Variants in PARD3B observed in about 807,000 individuals in gnomAD.
PARD3B encodes par-3 family cell polarity regulator beta.
A neutral mutation model predicts 130.2 loss-of-function variants in PARD3B; 103 were observed. The ratio of observed to expected loss-of-function variants is 0.79; its 90% confidence interval spans 0.67 to 0.93. The LOEUF (loss-of-function observed/expected upper bound fraction) is 0.93. Among genes scored for constraint, PARD3B ranks in the 40% least tolerant of loss-of-function variants. The probability of loss-of-function intolerance (pLI) is 0.00; values close to 1 mark genes in which losing one functional copy is unlikely to be tolerated. For synonymous variants in PARD3B, 583 were observed against 553.2 expected, an observed-to-expected ratio of 1.05 and a Z score of -0.76; for missense variants, 1,609 against 1,499.2, an observed-to-expected ratio of 1.07 and a Z score of -1.21.
At chr2:205,599,261 G>A (rs1416411041) in intron 22 of PARD3B, among the ~76,000 whole-genome samples, 1 of 152,088 alleles carries the variant, frequency 6.6e-6, no homozygotes, top group African/African-American at 2.4e-5. Flanking sequence ...TTTTTTAAAG[G>A]CTCATGGTAG....
Position 205,021,628 on chromosome 2 carries a change from CTT to C in PARD3B, c.395-25951_395-25950del, listed in dbSNP as rs1468726480. Reference sequence around the variant, plus strand: ...TCTCTCTCTCTCTCTCTCCCTCTCTCTTTCTCTCTCTCTCTCTCTCTCTATAT... The same window carrying C: ...TCTCTCTCTCTCTCTCTCCCTCTCTCTCTCTCTCTCTCTCTCTCTCTATAT... On this transcript the variant is annotated intron_variant, in intron 3 of 22. Transcript: ENST00000406610. The surrounding 1 kb of genome is among the most constrained non-coding windows in gnomAD (Gnocchi z 4.5). 2.9e-3 allele frequency among the ~76,000 whole-genome samples: 344 copies of C among 119,696 alleles called. No homozygotes were observed. Among genetic ancestry groups the C allele is most frequent in the Non-Finnish European group, 3.3e-3 (186 of 56,096 alleles). The allele number at this position is 119,696 out of a possible 152,430, so 78.5% of individuals were successfully genotyped here. A position where few individuals can be genotyped will look rare whatever the true frequency, so the allele number is the denominator to read the frequency against.
At chr2:204,630,049 T>A (rs1486394830) in intron 1 of PARD3B, among the ~76,000 whole-genome samples, 2 of 152,192 alleles carry the variant, frequency 1.3e-5, no homozygotes, top group East Asian at 3.8e-4. Flanking sequence ...ATTCTGCCAC[T>A]GTTTACTTTC....
intron 1 of PARD3B, among the ~76,000 whole-genome samples, chr2:204,552,201 G>C (rs1466863696): frequency 6.6e-6 from 1 of 152,152 alleles, no homozygotes; most frequent in African/African-American, 2.4e-5. Context: ...CAGTTCTGTT[G>C]AGAACTTTGC....
At chr2:205,092,255 G>C (rs1229562541) in intron 4 of PARD3B, among the ~76,000 whole-genome samples, 1 of 152,102 alleles carries the variant, frequency 6.6e-6, no homozygotes, top group Non-Finnish European at 1.5e-5. Context: ...AATGAAAAGG[G>C]AATAGTAAAG....
chr2:205,145,711 G>A (rs1189537051), intron 10 of PARD3B, among the ~76,000 whole-genome samples: 1 of 151,382 alleles, frequency 6.6e-6, no homozygotes, highest in Non-Finnish European at 1.5e-5. Flanking sequence ...TCTACGGCAT[G>A]CTCCGTGTAA....
At chr2:205,254,615 T>C (rs2039990193) in intron 16 of PARD3B, among the ~76,000 whole-genome samples, 1 of 152,062 alleles carries the variant, frequency 6.6e-6, no homozygotes, top group Non-Finnish European at 1.5e-5. Context: ...CACTCTTTTG[T>C]TCCTACATTG....
intron 3 of PARD3B, among the ~76,000 whole-genome samples, chr2:204,979,380 A>G (rs1324860864): frequency 6.6e-6 from 1 of 152,190 alleles, no homozygotes; most frequent in Non-Finnish European, 1.5e-5. Context: ...GCCAATGAAC[A>G]TGCTTTATCA....
At chr2:205,508,890 T>C (rs1229816824) in intron 21 of PARD3B, among the ~76,000 whole-genome samples, 1 of 152,050 alleles carries the variant, frequency 6.6e-6, no homozygotes, top group Non-Finnish European at 1.5e-5. Context: ...GAGATTTTGC[T>C]CACTTAGATT....
At chr2:204,687,412 A>G (rs1290727653) in intron 2 of PARD3B, among the ~76,000 whole-genome samples, 1 of 152,170 alleles carries the variant, frequency 6.6e-6, no homozygotes, top group Non-Finnish European at 1.5e-5. Flanking sequence ...AGATAAACCT[A>G]GTTATCTCCC....
intron 2 of PARD3B, among the ~76,000 whole-genome samples, chr2:204,790,180 T>C (rs2042152625): frequency 6.6e-6 from 1 of 152,210 alleles, no homozygotes; most frequent in Non-Finnish European, 1.5e-5. Context: ...TCTGATGTTT[T>C]TATAAAATAG....
intron 2 of PARD3B, among the ~76,000 whole-genome samples, chr2:204,745,699 G>T (rs1349882238): frequency 6.6e-6 from 1 of 151,974 alleles, no homozygotes; most frequent in Non-Finnish European, 1.5e-5. Flanking sequence ...CACCATGCCT[G>T]GCCGATACTA....
chr2:205,601,920 G>T (rs1001963982), intron 22 of PARD3B, among the ~76,000 whole-genome samples: 4 of 152,150 alleles, frequency 2.6e-5, no homozygotes. Flanking sequence ...GTGTTGAATA[G>T]GAGTGGTGAG....
At chr2:205,347,691 A>G (rs573142738) in intron 18 of PARD3B, 3 of 152,326 alleles carry the variant, frequency 2.0e-5, no homozygotes, top group Admixed American at 2.0e-4. Flanking sequence ...ACAAACTGCA[A>G]GTTTTCCATT....
At chr2:204,706,100 AT>A (rs2038134177) in intron 2 of PARD3B, among the ~76,000 whole-genome samples, 3 of 152,134 alleles carry the variant, frequency 2.0e-5, no homozygotes, top group African/African-American at 7.2e-5. Flanking sequence ...AATTTATTTC[AT>A]TTTTACATAA....
chr2:205,092,514 A>G (rs1702168767), intron 4 of PARD3B, among the ~76,000 whole-genome samples: 1 of 152,196 alleles, frequency 6.6e-6, no homozygotes, highest in African/African-American at 2.4e-5. Context: ...GTTTGGAGGT[A>G]CTTGGGAGGT....
chr2:204,645,659 A>T (rs2125160216), intron 1 of PARD3B, among the ~76,000 whole-genome samples: 1 of 152,234 alleles, frequency 6.6e-6, no homozygotes, highest in African/African-American at 2.4e-5. Context: ...TTCTTGTATT[A>T]GTACTTTCTA....
At chr2:204,559,494 A>G (rs1374154141) in intron 1 of PARD3B, among the ~76,000 whole-genome samples, 6 of 152,254 alleles carry the variant, frequency 3.9e-5, no homozygotes, top group Non-Finnish European at 7.3e-5. Flanking sequence ...GTGAGATACC[A>G]TCTCACACCA....
At chr2:205,520,125 A>C (rs1206728465) in intron 21 of PARD3B, among the ~76,000 whole-genome samples, 1 of 152,042 alleles carries the variant, frequency 6.6e-6, no homozygotes, top group African/African-American at 2.4e-5. Flanking sequence ...AAAGGAAGGG[A>C]CCTTAGTAGT....
Position 204,699,144 on chromosome 2 carries a change from T to C in PARD3B, c.222+12862T>C, listed in dbSNP as rs377116598. Among the ~76,000 whole-genome samples the C allele has an allele frequency of 1.1e-4, 16 of 152,160 alleles. No individual in the cohort carries two copies. In the East Asian group the frequency reaches 3.1e-3, roughly 30 times the overall value. ...TTGACCTGACATATGACTCTTTTCT[T>C]CTGACTCTTTACCCAAGTTATAAAG... is the stretch of plus-strand genomic sequence containing the variant. On this transcript the variant is annotated intron_variant, in intron 2 of 22. Transcript: ENST00000406610.
Sources: allele counts gnomAD v4.1 joint callset (sites outside exome capture counted in the v4.1 genomes callset), GRCh38; gene constraint gnomAD v4.1.1; non-coding constraint Gnocchi (gnomAD v3.1); transcripts MANE v1.5; gene names NCBI Gene and HGNC (gene_info 2026-07-23, HGNC 2026-07-21).